CDH13: variants seen among roughly 807,000 people sequenced by gnomAD.
CDH13 encodes cadherin-13.
In CDH13, 24 loss-of-function variants were observed where a neutral mutation model predicts 63.8. That is an observed-to-expected ratio of 0.38 (90% CI 0.27 to 0.53). The LOEUF (loss-of-function observed/expected upper bound fraction) is 0.53. CDH13 is among the 20% of genes least tolerant of loss of function. The probability of loss-of-function intolerance (pLI) is 0.85; values close to 1 mark genes in which losing one functional copy is unlikely to be tolerated. For missense variants in CDH13, 1,049 were observed against 903.1 expected, an observed-to-expected ratio of 1.16 and a Z score of -2.07; for synonymous variants, 503 against 355.3, an observed-to-expected ratio of 1.42 and a Z score of -4.67.
At chr16:83,594,148 A>G (rs939010679) in intron 7 of CDH13, among the ~76,000 whole-genome samples, 11 of 152,196 alleles carry the variant, frequency 7.2e-5, no homozygotes, top group Admixed American at 2.0e-4. Flanking sequence ...ATGGTTGGCA[A>G]TTGCTTTTGG....
chr16:82,789,291 G>C (rs1010951423), intron 1 of CDH13, among the ~76,000 whole-genome samples: 1 of 152,172 alleles, frequency 6.6e-6, no homozygotes, highest in Non-Finnish European at 1.5e-5. Context: ...AATTCAGTCT[G>C]ATTCCTTAAG....
At chr16:83,387,162 A>G (rs1306606475) in intron 6 of CDH13, among the ~76,000 whole-genome samples, 1 of 152,180 alleles carries the variant, frequency 6.6e-6, no homozygotes, top group Non-Finnish European at 1.5e-5. Context: ...GAACTTATCC[A>G]AGAATAGTAT....
intron 3 of CDH13, among the ~76,000 whole-genome samples, chr16:83,077,198 T>C (rs1302749094): frequency 4.7e-5 from 6 of 127,864 alleles, no homozygotes; most frequent in Admixed American, 1.5e-4. Context: ...TTTTTTTTTT[T>C]TTTTTTTTTT....
chr16:82,780,703 A>T (rs1273841958), intron 1 of CDH13, among the ~76,000 whole-genome samples: 2 of 152,364 alleles, frequency 1.3e-5, no homozygotes, highest in Non-Finnish European at 2.9e-5. Context: ...AATTGGCATG[A>T]TTAGCTACTT....
intron 10 of CDH13, among the ~76,000 whole-genome samples, chr16:83,686,052 CT>C (rs1904308699): frequency 6.6e-6 from 1 of 152,128 alleles, no homozygotes; most frequent in African/African-American, 2.4e-5. Flanking sequence ...CTTGTTCTCC[CT>C]TTTTACTGAT....
intron 1 of CDH13, among the ~76,000 whole-genome samples, chr16:82,787,941 C>G (rs974318756): frequency 1.4e-5 from 2 of 143,554 alleles, no homozygotes; most frequent in East Asian, 2.2e-4. Context: ...TGGGCTGTAC[C>G]TACGATACAG....
intron 3 of CDH13, among the ~76,000 whole-genome samples, chr16:83,071,439 G>C (rs1462040336): frequency 6.6e-6 from 1 of 152,124 alleles, no homozygotes; most frequent in Non-Finnish European, 1.5e-5. Context: ...CTACCATGTA[G>C]CTCTTCCCTG....
chr16:83,736,061 C>T (rs1911510248), intron 10 of CDH13: 1 of 152,084 alleles, frequency 6.6e-6, no homozygotes, highest in Admixed American at 6.5e-5. Context: ...TTCCAAGCGC[C>T]ATTTCTGCTG....
intron 1 of CDH13, among the ~76,000 whole-genome samples, chr16:82,809,937 A>T (rs2037358075): frequency 6.6e-6 from 1 of 152,174 alleles, no homozygotes; most frequent in African/African-American, 2.4e-5. Flanking sequence ...TGATTAACTG[A>T]TACGTAGACT....
At chr16:82,683,772 G>A (rs1914789973) in intron 1 of CDH13, among the ~76,000 whole-genome samples, 1 of 152,220 alleles carries the variant, frequency 6.6e-6, no homozygotes, top group Non-Finnish European at 1.5e-5. Context: ...TGAGACTCAA[G>A]CCAAGAAGGC....
intron 2 of CDH13, among the ~76,000 whole-genome samples, chr16:82,981,828 A>G (rs556530553): frequency 6.6e-6 from 1 of 152,192 alleles, no homozygotes; most frequent in Non-Finnish European, 1.5e-5. Context: ...AACAGCTACC[A>G]GTGGCTTCCT....
intron 1 of CDH13, chr16:82,844,600 C>G (rs1268088346): frequency 8.6e-6 from 1 of 115,682 alleles, no homozygotes; most frequent in Admixed American, 1.0e-4. Context: ...CACTCTGTCT[C>G]GGAAAAAGAA....
At chr16:83,043,810 G>C (rs1401322988) in intron 3 of CDH13, among the ~76,000 whole-genome samples, 1 of 149,598 alleles carries the variant, frequency 6.7e-6, no homozygotes, top group Non-Finnish European at 1.5e-5. Context: ...CTGGGCAACG[G>C]AGCAAGTGTG....
intron 6 of CDH13, among the ~76,000 whole-genome samples, chr16:83,350,637 A>C (rs555925386): frequency 2.0e-5 from 3 of 152,252 alleles, no homozygotes; most frequent in African/African-American, 7.2e-5. Context: ...GCAACACTGG[A>C]CCTGGCAGGT....
At chr16:82,779,639 C>T (rs2035657820) in intron 1 of CDH13, among the ~76,000 whole-genome samples, 1 of 152,200 alleles carries the variant, frequency 6.6e-6, no homozygotes, top group African/African-American at 2.4e-5. Context: ...CATAATTTAC[C>T]TGTAACCGAC....
chr16:82,792,983 G>A (rs1284810287), intron 1 of CDH13, among the ~76,000 whole-genome samples: 3 of 152,238 alleles, frequency 2.0e-5, no homozygotes, highest in African/African-American at 7.2e-5. Context: ...GCCCGCCTGG[G>A]ATGGGGTGAC....
intron 2 of CDH13, among the ~76,000 whole-genome samples, chr16:82,887,703 C>G (rs910701765): frequency 6.6e-6 from 1 of 152,166 alleles, no homozygotes; most frequent in Non-Finnish European, 1.5e-5. Flanking sequence ...CACCTGTAGT[C>G]CCAGCTACTC....
chr16:83,007,686 G>A (rs1350271950), intron 2 of CDH13, among the ~76,000 whole-genome samples: 1 of 151,940 alleles, frequency 6.6e-6, no homozygotes, highest in Admixed American at 6.6e-5. Flanking sequence ...TAGCTGGGCA[G>A]GGTGGCTTGT....
Position 82,817,947 on chromosome 16 carries a change from GTATATA to G in CDH13, c.46-40407_46-40402del, listed in dbSNP as rs5818410. On this transcript the variant is annotated intron_variant, in intron 1 of 13. Coordinates refer to ENST00000567109, the MANE Select transcript of CDH13 (RefSeq NM_001257.5). ...CACACACCTATAATTATAAATGCAT[GTATATA>G]TATATATGTATGTATACACACATAC... 1.4e-4 allele frequency among the ~76,000 whole-genome samples: 21 copies of G among 151,880 alleles called. No individual in the cohort carries two copies. The East Asian group carries it at 3.9e-3, about 28-fold the overall frequency.
Sources: gnomAD v4.1 joint callset for allele counts (sites outside exome capture counted in the v4.1 genomes callset) on GRCh38, gnomAD v4.1.1 for gene constraint, MANE v1.5 for transcripts, NCBI Gene and HGNC (gene_info 2026-07-23, HGNC 2026-07-21) for gene names.